The following FRMD4A variants were observed in gnomAD, a reference collection of about 807,000 sequenced individuals.
FRMD4A encodes the protein FERM domain containing 4A.
In FRMD4A, 29 loss-of-function variants were observed where a neutral mutation model predicts 129.1. The observed-to-expected ratio is 0.22, with a 90% confidence interval of 0.17 to 0.31. FRMD4A has a LOEUF of 0.31. Among genes scored for constraint, FRMD4A ranks in the 10% least tolerant of loss-of-function variants. The pLI is 1.00. For synonymous variants in FRMD4A, 634 were observed against 571.6 expected (o/e 1.11, Z -1.56); for missense variants, 1,272 against 1,375.8 (o/e 0.92, Z 1.19).
chr10:13,707,495 G>C, intron 12 of FRMD4A: 1 of 1,011,252 alleles, frequency 9.9e-7, no homozygotes. Context: ...GGAAGGCGGC[G>C]GGTGAGGGGA....
At chr10:13,685,496 A>G in intron 15 of FRMD4A, 1 of 985,240 alleles carries the variant, frequency 1.0e-6, no homozygotes, top group Non-Finnish European at 1.2e-6. Context: ...GAGCTGACCT[A>G]TCTTCTGGGT....
chr10:14,114,505 T>C (rs548373589), intron 2 of FRMD4A, among the ~76,000 whole-genome samples: 144 of 152,370 alleles, frequency 9.5e-4, no homozygotes, highest in African/African-American at 3.1e-3. Context: ...TTTTTCCGTT[T>C]CCTCAATTCT....
At chr10:13,748,030 C>T (rs533016914) in intron 8 of FRMD4A, among the ~76,000 whole-genome samples, 11 of 152,280 alleles carry the variant, frequency 7.2e-5, no homozygotes, top group South Asian at 2.1e-4. Context: ...CGCCTTTCAC[C>T]GTGCAGAAAG....
intron 17 of FRMD4A, among the ~76,000 whole-genome samples, chr10:13,669,071 T>G (rs1333987518): frequency 6.8e-6 from 1 of 147,390 alleles, no homozygotes; most frequent in Non-Finnish European, 1.5e-5. Flanking sequence ...TTTTTTTTTT[T>G]TTTTTTTTTT....
In FRMD4A at chr10:13,657,112, C is replaced by T; in HGVS notation, c.2477G>A (p.Ser826Asn). 6.4e-7 allele frequency: 1 copy of T among 1,559,596 alleles called. No homozygotes were observed. The highest frequency in any genetic ancestry group is 1.8e-5 in the Admixed American group (1 of 55,962). Residue 826 changes from serine (S) to asparagine (N), a missense_variant, in exon 22 of 25, where the codon AGC becomes AAC. Ser to Asn is a conservative substitution (Grantham distance 46). Transcript: ENST00000357447. ...GATGCGGTACTGCGAGCTGGGCTGGCTCTGGCTGTGCAGGTACACACCGCC... is the reference window on the plus strand; with the variant it reads ...GATGCGGTACTGCGAGCTGGGCTGGTTCTGGCTGTGCAGGTACACACCGCC... ...AGGGVYLHSQ[S>N]QPSSQYRIKE...
rs920715225 is a variant in FRMD4A, at chr10:14,188,464, C to G, written c.45+141594G>C. Among the ~76,000 whole-genome samples, 9 of 152,334 alleles carry G rather than the reference C, an allele frequency of 5.9e-5. No homozygotes were observed. In the South Asian group the frequency reaches 6.2e-4, roughly 11 times the overall value. On this transcript the variant is annotated intron_variant, in intron 2 of 24. Transcript: ENST00000357447. ...TCCTATTTGCCTCCCGCCTGCCAAA[C>G]TCATTATCCAATCATTCCCTCTTCA... is the stretch of plus-strand genomic sequence containing the variant.
intron 2 of FRMD4A, among the ~76,000 whole-genome samples, chr10:13,942,942 C>A (rs1819747): frequency 0.85 from 128,175 of 150,596 alleles, 54,516 homozygotes; most frequent in Admixed American, 0.9. Context: ...AACAAAAAGG[C>A]AAAAAAAAAA....
intron 8 of FRMD4A, among the ~76,000 whole-genome samples, chr10:13,754,918 C>A (rs943322866): frequency 6.6e-6 from 1 of 152,086 alleles, no homozygotes; most frequent in Middle Eastern, 3.2e-3. Context: ...ATTTAAAAAT[C>A]GTAGGGAAAT....
intron 23 of FRMD4A, chr10:13,652,742 G>A (rs72767569): frequency 6.6e-6 from 1 of 152,204 alleles, no homozygotes; most frequent in Non-Finnish European, 1.5e-5. Flanking sequence ...GGATCGTTCA[G>A]TGGTTGTCAA....
intron 23 of FRMD4A, 29 bp downstream of exon 23, chr10:13,654,387 A>G: frequency 7.2e-7 from 1 of 1,380,568 alleles, no homozygotes; most frequent in South Asian, 1.2e-5. Flanking sequence ...TCGAGCTGAC[A>G]CAGTGAAGAA....
rs546334440 is a variant in FRMD4A at position 14,100,213 on chromosome 10, G to A, written c.45+229845C>T. ...ACTTATGAATTTAAAATCACTTATCGCATGTGGTGAAAGGAAACGTCTCCA... is the reference window on the plus strand; with the variant it reads ...ACTTATGAATTTAAAATCACTTATCACATGTGGTGAAAGGAAACGTCTCCA... On this transcript the variant is annotated intron_variant, in intron 2 of 24. Coordinates refer to ENST00000357447, the MANE Select transcript of FRMD4A (RefSeq NM_018027.5). Among the ~76,000 whole-genome samples, 12 of 152,166 alleles carry A rather than the reference G, an allele frequency of 7.9e-5. No individual in the cohort carries two copies. The South Asian group carries it at 2.1e-3, about 26-fold the overall frequency.
At chr10:13,994,231 G>T (rs1408943692) in intron 2 of FRMD4A, among the ~76,000 whole-genome samples, 1 of 145,736 alleles carries the variant, frequency 6.9e-6, no homozygotes, top group African/African-American at 2.6e-5. Flanking sequence ...CCAGGCTGGA[G>T]TGCAGTGGTG....
intron 14 of FRMD4A, among the ~76,000 whole-genome samples, chr10:13,701,124 G>A (rs527367244): frequency 2.6e-5 from 4 of 152,206 alleles, no homozygotes; most frequent in Admixed American, 1.3e-4. Flanking sequence ...GGCTCTGATG[G>A]TGGTCAGAGC....
chr10:14,207,105 G>T (rs181780744), intron 2 of FRMD4A, among the ~76,000 whole-genome samples: 1 of 152,024 alleles, frequency 6.6e-6, no homozygotes, highest in African/African-American at 2.4e-5. Flanking sequence ...AGAGGGAAAT[G>T]GTTAGATAAG....
rs143137652 is a variant in FRMD4A at position 14,200,579 on chromosome 10, G to A, written c.45+129479C>T. On this transcript the variant is annotated intron_variant, in intron 2 of 24. Coordinates refer to ENST00000357447, the MANE Select transcript of FRMD4A (RefSeq NM_018027.5). Reference sequence around the variant, plus strand: ...GAGCTACAGACAGGGATGTGGAGAAGAGACACTAAGGGAGAGAAGTTCAAT... The same window carrying A: ...GAGCTACAGACAGGGATGTGGAGAAAAGACACTAAGGGAGAGAAGTTCAAT... Among the ~76,000 whole-genome samples the A allele has an allele frequency of 3.9e-5, 6 of 152,332 alleles. No homozygotes were observed. In the East Asian group the frequency reaches 1.2e-3, roughly 29 times the overall value.
chr10:14,115,519 T>C (rs957266348), intron 2 of FRMD4A, among the ~76,000 whole-genome samples: 23 of 152,180 alleles, frequency 1.5e-4, no homozygotes, highest in Admixed American at 9.2e-4. Context: ...TGGATATTTG[T>C]CCCCTTTTAA....
intron 3 of FRMD4A, among the ~76,000 whole-genome samples, chr10:13,819,355 T>TC (rs1199934731): frequency 6.6e-6 from 1 of 151,942 alleles, no homozygotes; most frequent in Non-Finnish European, 1.5e-5. Flanking sequence ...CATTCCATTC[T>TC]CCCCCTCCCC....
intron 2 of FRMD4A, among the ~76,000 whole-genome samples, chr10:13,971,145 C>A (rs2095515618): frequency 6.6e-6 from 1 of 152,070 alleles, no homozygotes; most frequent in Admixed American, 6.5e-5. Context: ...CGCTCACACA[C>A]ATGCATGCAT....
At chr10:13,817,578 C>T (rs2093565316) in intron 3 of FRMD4A, among the ~76,000 whole-genome samples, 4 of 152,154 alleles carry the variant, frequency 2.6e-5, no homozygotes, top group Admixed American at 6.5e-5. Flanking sequence ...GGGTGTGGTT[C>T]CCCCATCTAT....
Sources: gnomAD v4.1 joint callset for allele counts (sites outside exome capture counted in the v4.1 genomes callset) on GRCh38, gnomAD v4.1.1 for gene constraint, MANE v1.5 for transcripts, NCBI Gene and HGNC (gene_info 2026-07-23, HGNC 2026-07-21) for gene names.